The following DLC1 variants were observed in gnomAD, a reference collection of about 807,000 sequenced individuals.
DLC1 encodes the protein rho GTPase-activating protein 7.
In DLC1, 54 loss-of-function variants were observed where a neutral mutation model predicts 140.3. The observed-to-expected ratio is 0.38, with a 90% CI of 0.31 to 0.48. The LOEUF is 0.48. Ranked by LOEUF, DLC1 falls within the 20% of genes least tolerant of loss-of-function variation. DLC1 has a pLI of 0.96. For missense variants in DLC1, 2,536 were observed against 1,907.0 expected, an observed-to-expected ratio of 1.33 and a Z score of -6.14; for synonymous variants, 986 against 728.1, an observed-to-expected ratio of 1.35 and a Z score of -5.70.
At chr8:13,153,230 C>G (rs189449670) in intron 5 of DLC1, among the ~76,000 whole-genome samples, 262 of 152,276 alleles carry the variant, frequency 1.7e-3, no homozygotes, top group Non-Finnish European at 3.1e-3. Flanking sequence ...GGTTCGTGGT[C>G]TCGCAGGCTT....
intron 8 of DLC1, 120 bp from the exon 9 acceptor site, chr8:13,100,890 A>G: frequency 1.1e-6 from 1 of 874,658 alleles, no homozygotes; most frequent in Non-Finnish European, 1.6e-6. Context: ...GTACTTCATG[A>G]TTTTAATTTT....
At chr8:13,528,629 G>C (rs560273195) in intron 1 of DLC1, among the ~76,000 whole-genome samples, 1 of 152,110 alleles carries the variant, frequency 6.6e-6, no homozygotes, top group Non-Finnish European at 1.5e-5. Context: ...TATTTGCCAA[G>C]TTCTTATGTA....
At chr8:13,579,389 A>ATTT (rs1804987108) in intron 1 of DLC1, among the ~76,000 whole-genome samples, 1 of 22,968 alleles carries the variant, frequency 4.4e-5, no homozygotes, top group African/African-American at 1.2e-4. Context: ...TTTATATATT[A>ATTT]TATATTATAT....
intron 5 of DLC1, among the ~76,000 whole-genome samples, chr8:13,258,672 G>T (rs770186554): frequency 6.6e-5 from 10 of 152,162 alleles, no homozygotes; most frequent in Non-Finnish European, 1.2e-4. Context: ...GTACTTCAAA[G>T]TATCAATGGC....
intron 2 of DLC1, among the ~76,000 whole-genome samples, chr8:13,410,172 A>T (rs1362303375): frequency 1.3e-5 from 2 of 152,130 alleles, no homozygotes; most frequent in East Asian, 3.8e-4. Context: ...GATTACAAAC[A>T]ACAAAATAAA....
At chr8:13,387,566 G>A (rs76574635) in intron 4 of DLC1, among the ~76,000 whole-genome samples, 3,507 of 151,816 alleles carry the variant, frequency 0.023, 75 homozygotes, top group South Asian at 0.085. Context: ...TCATATGTAT[G>A]GGATATGTGA....
At chr8:13,537,800 C>G in intron 1 of DLC1, among the ~76,000 whole-genome samples, 1 of 151,858 alleles carries the variant, frequency 6.6e-6, no homozygotes, top group Non-Finnish European at 1.5e-5. Flanking sequence ...ACTACAGGCG[C>G]CCGCCACCAT....
chr8:13,413,256 A>ATTTTTTTGTTTTTTTTTTT (rs1837875954), intron 2 of DLC1, among the ~76,000 whole-genome samples: 1 of 82,006 alleles, frequency 1.2e-5, no homozygotes, highest in Non-Finnish European at 2.3e-5. Context: ...TTTTTTTGCG[A>ATTTTTTTGTTTTTTTTTTT]TTTTTTTTTT....
At chr8:13,309,313 C>A (rs1442582801) in intron 4 of DLC1, among the ~76,000 whole-genome samples, 12 of 152,038 alleles carry the variant, frequency 7.9e-5, no homozygotes, top group Admixed American at 7.9e-4. Flanking sequence ...GAAAAATCAT[C>A]CATAGTCTTT....
chr8:13,375,513 C>T (rs1835936174), intron 4 of DLC1, among the ~76,000 whole-genome samples: 1 of 152,128 alleles, frequency 6.6e-6, no homozygotes, highest in Non-Finnish European at 1.5e-5. Flanking sequence ...TTTCTCCTGC[C>T]TGAATGCCCT....
intron 2 of DLC1, among the ~76,000 whole-genome samples, chr8:13,438,833 T>C (rs1444615777): frequency 2.6e-5 from 4 of 152,276 alleles, no homozygotes; most frequent in African/African-American, 9.6e-5. Flanking sequence ...ACTGCACTTA[T>C]CAAGAGAAAC....
At chr8:13,537,816 C>A (rs150923626) in intron 1 of DLC1, among the ~76,000 whole-genome samples, 1 of 151,722 alleles carries the variant, frequency 6.6e-6, no homozygotes, top group Non-Finnish European at 1.5e-5. Context: ...ACCATGCCCG[C>A]CTAATTTTTT....
intron 5 of DLC1, among the ~76,000 whole-genome samples, chr8:13,292,942 G>T (rs1200561818): frequency 6.6e-6 from 1 of 152,184 alleles, no homozygotes; most frequent in Non-Finnish European, 1.5e-5. Flanking sequence ...CAAATTGCAG[G>T]CCAGTCATGG....
rs1554547084 is a variant in DLC1, at chr8:13,579,393, A to ATTATATTTTATG, written c.-126+25143_-126+25144insCATAAAATATAA. On this transcript the variant is annotated intron_variant, in intron 1 of 1. Transcript: ENST00000631382. ...TATAATACATATTTATATATTATAT[A>ATTATATTTTATG]TTATATATTTAATATATTATATTTT... Among the ~76,000 whole-genome samples the ATTATATTTTATG allele has an allele frequency of 4.2e-3, 145 of 34,800 alleles. 16 individuals are homozygous for ATTATATTTTATG. The highest frequency in any genetic ancestry group is 0.012 in the South Asian group (7 of 568). The allele number at this position is 34,800 out of a possible 152,430, so 22.8% of individuals were successfully genotyped here. A position where few individuals can be genotyped will look rare whatever the true frequency, so the allele number is the denominator to read the frequency against.
At chr8:13,308,569 C>T (rs1015863019) in intron 4 of DLC1, among the ~76,000 whole-genome samples, 2 of 152,036 alleles carry the variant, frequency 1.3e-5, no homozygotes, top group African/African-American at 4.8e-5. Flanking sequence ...ACTTGCTCTA[C>T]CGTTAGTTAA....
chr8:13,453,438 GTATATATATACATATATATA>G lies in DLC1; in HGVS notation c.1023+45591_1023+45610del, dbSNP rs1563360053. On this transcript the variant is annotated intron_variant, in intron 2 of 17. Coordinates refer to ENST00000276297, the MANE Select transcript of DLC1 (RefSeq NM_182643.3). ...TATATATATATGTGTATATATATAT[GTATATATATACATATATATA>G]TGTATATATATACATATATATGTAT... 1.4e-3 allele frequency among the ~76,000 whole-genome samples: 24 copies of G among 16,754 alleles called. 2 individuals are homozygous for G. The highest frequency in any genetic ancestry group is 8.4e-3 in the African/African-American group (23 of 2,740). The allele number at this position is 16,754 out of a possible 152,430, so 11.0% of individuals were successfully genotyped here.
intron 5 of DLC1, among the ~76,000 whole-genome samples, chr8:13,248,788 C>T (rs934965210): frequency 3.3e-5 from 5 of 152,190 alleles, no homozygotes; most frequent in African/African-American, 9.7e-5. Context: ...ATTCTCCATT[C>T]CCTGGTATCC....
At chr8:13,461,771 T>C (rs1799671436) in intron 2 of DLC1, among the ~76,000 whole-genome samples, 1 of 152,122 alleles carries the variant, frequency 6.6e-6, no homozygotes, top group Non-Finnish European at 1.5e-5. Flanking sequence ...CACAGCTAAG[T>C]AGTGGCAGAG....
intron 1 of DLC1, among the ~76,000 whole-genome samples, chr8:13,541,250 C>T (rs548063836): frequency 6.6e-6 from 1 of 151,030 alleles, no homozygotes; most frequent in East Asian, 1.9e-4. Context: ...ACAAATAAAG[C>T]TGGTATGAAC....
Sources: allele counts gnomAD v4.1 joint callset (sites outside exome capture counted in the v4.1 genomes callset), GRCh38; gene constraint gnomAD v4.1.1; transcripts MANE v1.5; gene names NCBI Gene and HGNC (gene_info 2026-07-23, HGNC 2026-07-21).